The following ERCC6 variants were observed in gnomAD, a reference collection of about 807,000 sequenced individuals.
ERCC6 encodes the protein ERCC excision repair 6, chromatin remodeling factor.
In ERCC6, 116 loss-of-function variants were observed where a neutral mutation model predicts 158.7. The observed-to-expected ratio is 0.73, with a 90% confidence interval of 0.63 to 0.85. ERCC6 has a LOEUF of 0.85. Among genes scored for constraint, ERCC6 ranks in the 40% least tolerant of loss-of-function variants. The probability of loss-of-function intolerance (pLI) is 0.00; values close to 1 mark genes in which losing one functional copy is unlikely to be tolerated. For synonymous variants in ERCC6, 678 were observed against 659.3 expected (o/e 1.03, Z -0.43); for missense variants, 1,698 against 1,799.4 (o/e 0.94, Z 1.02).
At chr10:49,471,193 A>G (rs1318582999) in intron 16 of ERCC6, 73 bp from the exon 17 acceptor site, 7 of 1,479,752 alleles carry the variant, frequency 4.7e-6, no homozygotes, top group Non-Finnish European at 5.6e-6. Context: ...ATAAAGCAAT[A>G]TAAGAGAGAG....
At chr10:49,459,286 C>A (rs1206490778) in intron 20 of ERCC6, 52 bp from the exon 21 acceptor site, 1 of 1,588,156 alleles carries the variant, frequency 6.3e-7, no homozygotes, top group Non-Finnish European at 8.6e-7. Flanking sequence ...GTTTATGCCC[C>A]CACTTCCTTC....
chr10:49,492,807 C>G (rs985588721), intron 8 of ERCC6, among the ~76,000 whole-genome samples: 1 of 152,186 alleles, frequency 6.6e-6, no homozygotes. Flanking sequence ...CCTTACTGGA[C>G]GCAGCCACCT....
At chr10:49,474,004 C>T in intron 13 of ERCC6, 23 bp downstream of exon 13, 1 of 1,605,778 alleles carries the variant, frequency 6.2e-7, no homozygotes, top group Non-Finnish European at 8.5e-7. Flanking sequence ...AGCCTGTTTC[C>T]CGTCTGAAGT....
the ERCC6 span, among the ~76,000 whole-genome samples, chr10:49,437,050 G>C: frequency 6.6e-6 from 1 of 152,144 alleles, no homozygotes; most frequent in East Asian, 1.9e-4. Context: ...ATTGAATCAT[G>C]GGGGGTGGTT....
intron 1 of ERCC6, among the ~76,000 whole-genome samples, chr10:49,537,645 T>C (rs1837633755): frequency 6.6e-6 from 1 of 152,058 alleles, no homozygotes; most frequent in Non-Finnish European, 1.5e-5. Context: ...GAGGCCTCTC[T>C]GATAAAGTGA....
chr10:49,489,663 G>A (rs747845438), intron 8 of ERCC6, among the ~76,000 whole-genome samples: 15 of 151,824 alleles, frequency 9.9e-5, no homozygotes, highest in East Asian at 3.9e-4. Flanking sequence ...TAGAGACTAC[G>A]TAGCAAAAAA....
At chr10:49,486,189 C>T (rs1407122900) in intron 8 of ERCC6, among the ~76,000 whole-genome samples, 1 of 152,048 alleles carries the variant, frequency 6.6e-6, no homozygotes, top group Non-Finnish European at 1.5e-5. Flanking sequence ...ACATCCACAG[C>T]CTACCCAGAG....
intron 8 of ERCC6, among the ~76,000 whole-genome samples, chr10:49,484,148 C>T (rs552732996): frequency 2.0e-5 from 3 of 151,414 alleles, no homozygotes; most frequent in African/African-American, 7.3e-5. Context: ...GGATGTGGTG[C>T]CAAGCACCTG....
Position 49,474,258 on chromosome 10 carries a change from G to A in ERCC6, c.2383-16C>T. 6.3e-7 allele frequency: 1 copy of A among 1,596,200 alleles called. No individual in the cohort carries two copies. Among genetic ancestry groups the A allele is most frequent in the South Asian group, 1.1e-5 (1 of 90,682 alleles). ...CGGAGAAAATCTGTGGTAAGAAAGAGTACATGTACACTCAGATGACCCCAT... is the reference window on the plus strand; with the variant it reads ...CGGAGAAAATCTGTGGTAAGAAAGAATACATGTACACTCAGATGACCCCAT... On this transcript the variant is annotated splice_polypyrimidine_tract_variant and intron_variant, in intron 12 of 20. Transcript: ENST00000355832.
At chr10:49,516,898 A>T in intron 5 of ERCC6, 1 of 1,614,118 alleles carries the variant, frequency 6.2e-7, no homozygotes, top group Non-Finnish European at 8.5e-7. Flanking sequence ...TCTGAGTCAG[A>T]CTCAGCATCA....
intron 8 of ERCC6, among the ~76,000 whole-genome samples, chr10:49,486,658 G>C (rs1195877072): frequency 1.3e-5 from 2 of 152,176 alleles, no homozygotes; most frequent in Non-Finnish European, 1.5e-5. Context: ...AGATATGATA[G>C]CTAAAAAGTT....
At chr10:49,472,855 C>A in intron 15 of ERCC6, 54 bp downstream of exon 15, 2 of 1,594,948 alleles carry the variant, frequency 1.3e-6, no homozygotes, top group Non-Finnish European at 8.5e-7. Context: ...AAGCGCTAAC[C>A]ATGAAACTAT....
intron 2 of ERCC6, among the ~76,000 whole-genome samples, chr10:49,532,064 G>C: frequency 6.6e-6 from 1 of 152,180 alleles, no homozygotes. Context: ...AAGGATGGAA[G>C]AAAAGAAAAC....
At chr10:49,537,409 A>G (rs555865670) in intron 1 of ERCC6, among the ~76,000 whole-genome samples, 1 of 151,918 alleles carries the variant, frequency 6.6e-6, no homozygotes, top group East Asian at 1.9e-4. Context: ...AGTTAATTAC[A>G]CCAGGCAATG....
At chr10:49,517,257 T>C in intron 5 of ERCC6, 1 of 1,261,760 alleles carries the variant, frequency 7.9e-7, no homozygotes, top group South Asian at 1.8e-5. Context: ...TACCGCACAA[T>C]AGCATAACTA....
intron 8 of ERCC6, among the ~76,000 whole-genome samples, chr10:49,491,854 A>G (rs376280648): frequency 6.6e-6 from 1 of 152,224 alleles, no homozygotes; most frequent in Non-Finnish European, 1.5e-5. Flanking sequence ...ATGTTAACAG[A>G]TAACAGAAAT....
intron 8 of ERCC6, among the ~76,000 whole-genome samples, chr10:49,486,082 G>A (rs1307131255): frequency 6.6e-6 from 1 of 152,088 alleles, no homozygotes; most frequent in African/African-American, 2.4e-5. Context: ...TATTTTAATG[G>A]GGATGCCACA....
At chr10:49,509,718 G>A (rs1027843161) in intron 5 of ERCC6, among the ~76,000 whole-genome samples, 3 of 152,108 alleles carry the variant, frequency 2.0e-5, no homozygotes, top group Admixed American at 6.6e-5. Flanking sequence ...AATTAGAAAT[G>A]ACCTCAAAAT....
intron 4 of ERCC6, among the ~76,000 whole-genome samples, chr10:49,526,115 T>TATATATATATATATATATATATATATA (rs1564443868): frequency 3.8e-5 from 4 of 105,424 alleles, no homozygotes; most frequent in Non-Finnish European, 5.5e-5. Flanking sequence ...ATTTATATAT[T>TATATATATATATATATATATATATATA]TTTATATATA....
Sources: allele counts gnomAD v4.1 joint callset (sites outside exome capture counted in the v4.1 genomes callset), GRCh38; gene constraint gnomAD v4.1.1; transcripts MANE v1.5; gene names NCBI Gene and HGNC (gene_info 2026-07-23, HGNC 2026-07-21).